Variants in CCDC171 observed in about 807,000 individuals in gnomAD.
CCDC171 encodes coiled-coil domain containing 171, also known as coiled-coil domain-containing protein 171.
A neutral mutation model predicts 168.2 loss-of-function variants in CCDC171; 177 were observed. That is an observed-to-expected ratio of 1.05 (90% CI 0.93 to 1.19). The LOEUF is 1.19. CCDC171 is among the 50% of genes most tolerant of loss of function. The pLI, the probability that CCDC171 is intolerant of heterozygous loss-of-function variation, is 0.00. For synonymous variants in CCDC171, 687 were observed against 540.8 expected (o/e 1.27, Z -3.75); for missense variants, 1,991 against 1,539.0 (o/e 1.29, Z -4.91).
chr9:15,730,844 A>G (rs746164313), intron 16 of CCDC171, among the ~76,000 whole-genome samples: 1 of 152,032 alleles, frequency 6.6e-6, no homozygotes, highest in Non-Finnish European at 1.5e-5. Context: ...TATTGAAGTA[A>G]AAGAGCTAAA....
intron 21 of CCDC171, among the ~76,000 whole-genome samples, chr9:15,842,430 A>G (rs1293600518): frequency 2.0e-5 from 3 of 152,086 alleles, no homozygotes; most frequent in Non-Finnish European, 2.9e-5. Context: ...TTAATTAAAT[A>G]TTCCAATTCA....
At chr9:15,948,287 G>C (rs9722196) in intron 25 of CCDC171, among the ~76,000 whole-genome samples, 48,940 of 136,946 alleles carry the variant, frequency 0.36, 8,503 homozygotes, top group East Asian at 0.69. Context: ...AATAAACATA[G>C]GTGTGCATGT....
In CCDC171 at chr9:15,649,453, G is replaced by A. The variant is rs188085187; in HGVS notation, c.823-7674G>A. On this transcript the variant is annotated intron_variant, in intron 7 of 25. Transcript: ENST00000380701. Reference sequence around the variant, plus strand: ...CAGCAAAAGAAGCTACCATCAGAGCGAACAGGTAACCTACAGAATGGGAGA... The same window carrying A: ...CAGCAAAAGAAGCTACCATCAGAGCAAACAGGTAACCTACAGAATGGGAGA... Among the ~76,000 whole-genome samples, 343 of 152,276 alleles carry A rather than the reference G, an allele frequency of 2.3e-3. 1 individual carries two copies. The highest frequency in any genetic ancestry group is 4.3e-3 in the Non-Finnish European group (290 of 68,032).
intron 3 of CCDC171, among the ~76,000 whole-genome samples, chr9:15,986,901 G>T (rs1448761636): frequency 6.6e-6 from 1 of 152,070 alleles, no homozygotes; most frequent in African/African-American, 2.4e-5. Flanking sequence ...AGTGGGGAAA[G>T]ATGTATCCTT....
At chr9:16,054,999 A>G (rs961202627) in intron 1 of CCDC171, among the ~76,000 whole-genome samples, 3 of 152,194 alleles carry the variant, frequency 2.0e-5, no homozygotes, top group African/African-American at 7.2e-5. Context: ...CCAGTTGGGA[A>G]GCTGCTGCGG....
chr9:15,687,662 A>G (rs1249790171), intron 10 of CCDC171, among the ~76,000 whole-genome samples: 1 of 152,218 alleles, frequency 6.6e-6, no homozygotes, highest in African/African-American at 2.4e-5. Context: ...AGGAGAAGAG[A>G]TTCAAATTAC....
At chr9:15,615,925 G>A (rs1215186625) in intron 6 of CCDC171, among the ~76,000 whole-genome samples, 1 of 151,798 alleles carries the variant, frequency 6.6e-6, no homozygotes, top group Non-Finnish European at 1.5e-5. Flanking sequence ...CCACAGGCAT[G>A]CGCCACAACG....
intron 23 of CCDC171, among the ~76,000 whole-genome samples, chr9:15,855,809 A>G (rs976141957): frequency 1.3e-5 from 2 of 151,880 alleles, no homozygotes; most frequent in African/African-American, 4.8e-5. Flanking sequence ...TGTTTAAAAA[A>G]TTTTGCTCTT....
At chr9:15,572,108 C>G (rs1176698452) in intron 3 of CCDC171, among the ~76,000 whole-genome samples, 1 of 152,038 alleles carries the variant, frequency 6.6e-6, no homozygotes, top group Non-Finnish European at 1.5e-5. Flanking sequence ...ATGGAGCAAT[C>G]TCTTTAAGTA....
chr9:15,918,188 C>G (rs1283804509), intron 24 of CCDC171, among the ~76,000 whole-genome samples: 1 of 151,580 alleles, frequency 6.6e-6, no homozygotes, highest in Non-Finnish European at 1.5e-5. Context: ...AAAAAAGTAT[C>G]TACTCCATAT....
rs775574857 is a variant in CCDC171, at chr9:15,591,503, C to G, written c.490C>G (p.Arg164Gly). The change falls in exon 5 of 26, where the codon CGA becomes GGA. Residue 164 changes from arginine (R) to glycine (G), a missense_variant. Physicochemically the swap from Arg to Gly is moderately radical, Grantham distance 125. Coordinates refer to ENST00000380701, the MANE Select transcript of CCDC171 (RefSeq NM_173550.4). ...ERDNMIQNCNREYDLLMKEKS... is the reference protein window; with the variant it reads ...ERDNMIQNCNGEYDLLMKEKS... ...AGACAATATGATCCAAAATTGCAAT[C>G]GAGAATATGATTTACTTATGAAAGA... 3 of 1,602,478 alleles carry G rather than the reference C, an allele frequency of 1.9e-6. No individual in the cohort carries two copies. Among genetic ancestry groups the G allele is most frequent in the East Asian group, 2.2e-5 (1 of 44,560 alleles).
intron 21 of CCDC171, among the ~76,000 whole-genome samples, chr9:15,840,569 T>C (rs2060635969): frequency 6.6e-6 from 1 of 152,152 alleles, no homozygotes; most frequent in African/African-American, 2.4e-5. Flanking sequence ...AGCAGCATCA[T>C]GATGGTTGTC....
intron 6 of CCDC171, among the ~76,000 whole-genome samples, chr9:16,033,365 A>G (rs1476167187): frequency 1.3e-5 from 2 of 152,196 alleles, no homozygotes; most frequent in Non-Finnish European, 2.9e-5. Flanking sequence ...TCCATCGCTC[A>G]CATTACGGCC....
intron 21 of CCDC171, among the ~76,000 whole-genome samples, chr9:15,833,544 A>G (rs1236204461): frequency 6.6e-6 from 1 of 152,182 alleles, no homozygotes; most frequent in Non-Finnish European, 1.5e-5. Context: ...TGAATTGGTA[A>G]TATGCCAAAA....
intron 24 of CCDC171, among the ~76,000 whole-genome samples, chr9:15,876,982 A>G (rs970735347): frequency 1.3e-5 from 2 of 152,076 alleles, no homozygotes; most frequent in Non-Finnish European, 2.9e-5. Flanking sequence ...GTCTTTTTCA[A>G]TGGGGGCAAA....
chr9:15,648,467 T>C (rs1225977411), intron 7 of CCDC171, among the ~76,000 whole-genome samples: 2 of 152,178 alleles, frequency 1.3e-5, no homozygotes, highest in Non-Finnish European at 2.9e-5. Context: ...TGTCCCTGTT[T>C]GTAGATGACA....
At chr9:15,851,572 G>T (rs1220096367) in intron 23 of CCDC171, among the ~76,000 whole-genome samples, 1 of 151,204 alleles carries the variant, frequency 6.6e-6, no homozygotes, top group Non-Finnish European at 1.5e-5. Flanking sequence ...TATTTTTTTT[G>T]AAAATCCAAA....
the CCDC171 span, among the ~76,000 whole-genome samples, chr9:16,106,507 C>T: frequency 6.6e-6 from 1 of 152,178 alleles, no homozygotes; most frequent in East Asian, 1.9e-4. Context: ...GGCACCTTCT[C>T]TCTCCAAAAC....
At chr9:15,719,048 A>C (rs1205712197) in intron 11 of CCDC171, among the ~76,000 whole-genome samples, 1 of 152,198 alleles carries the variant, frequency 6.6e-6, no homozygotes. Context: ...TAGAGAATTC[A>C]AAAGAACTGT....
Sources: allele counts gnomAD v4.1 joint callset (sites outside exome capture counted in the v4.1 genomes callset), GRCh38; gene constraint gnomAD v4.1.1; transcripts MANE v1.5; gene names NCBI Gene and HGNC (gene_info 2026-07-23, HGNC 2026-07-21).